Variants in COX7B2 observed in about 807,000 individuals in gnomAD.
COX7B2 encodes cytochrome c oxidase subunit 7B2, mitochondrial.
For missense variants in COX7B2, 109 were observed against 95.9 expected (o/e 1.14, Z -0.57); for synonymous variants, 37 against 32.1 (o/e 1.15, Z -0.51).
At chr4:46,787,972 C>G (rs1415010422) in intron 2 of COX7B2, among the ~76,000 whole-genome samples, 1 of 152,178 alleles carries the variant, frequency 6.6e-6, no homozygotes, top group Non-Finnish European at 1.5e-5. Context: ...TGTATGGCCT[C>G]TGATCCCCAA....
intron 2 of COX7B2, among the ~76,000 whole-genome samples, chr4:46,791,492 C>G (rs1053894585): frequency 6.6e-6 from 1 of 152,132 alleles, no homozygotes; most frequent in South Asian, 2.1e-4. Flanking sequence ...TGGTAAATAA[C>G]GTTGAGAGCT....
intron 2 of COX7B2, among the ~76,000 whole-genome samples, chr4:46,735,697 A>C (rs1362879011): frequency 6.6e-6 from 1 of 152,078 alleles, no homozygotes; most frequent in Non-Finnish European, 1.5e-5. Flanking sequence ...CCTACAGGCA[A>C]AATTCTGCTT....
At chr4:46,745,697 A>G (rs1294656103) in intron 2 of COX7B2, among the ~76,000 whole-genome samples, 3 of 152,124 alleles carry the variant, frequency 2.0e-5, no homozygotes, top group African/African-American at 7.2e-5. Flanking sequence ...CAGGGTGCTT[A>G]TTTTAGTGAA....
intron 2 of COX7B2, among the ~76,000 whole-genome samples, chr4:46,760,207 A>G (rs895103563): frequency 2.0e-5 from 3 of 152,110 alleles, no homozygotes; most frequent in African/African-American, 4.8e-5. Flanking sequence ...CCATTAGTGG[A>G]TATATACCCA....
At position 46,860,548 on chromosome 4, in the gene COX7B2, GC is replaced by G. The variant is rs544209374; in HGVS notation, c.-104-15535del. The stretch of plus-strand genomic sequence containing the variant: ...CTGCAGATGGGTAAATGTTCCCTCT[GC>G]CCCTTCTTTGACATCTGGTGAATCA... On this transcript the variant is annotated intron_variant, in intron 1 of 2. Transcript: ENST00000355591. Among the ~76,000 whole-genome samples, 12 of 152,250 alleles carry G rather than the reference GC, an allele frequency of 7.9e-5. 1 individual carries two copies. The South Asian group carries it at 2.5e-3, about 32-fold the overall frequency.
chr4:46,769,746 A>C (rs1190963131), intron 2 of COX7B2, among the ~76,000 whole-genome samples: 2 of 152,182 alleles, frequency 1.3e-5, no homozygotes, highest in Non-Finnish European at 2.9e-5. Context: ...GATGATTTTG[A>C]AAGTATACAA....
At chr4:46,749,040 A>G (rs1277633131) in intron 2 of COX7B2, among the ~76,000 whole-genome samples, 5 of 152,144 alleles carry the variant, frequency 3.3e-5, no homozygotes, top group Non-Finnish European at 5.9e-5. Flanking sequence ...GAATAAGTGT[A>G]CAATCATGCT....
intron 2 of COX7B2, among the ~76,000 whole-genome samples, chr4:46,819,807 T>C (rs1230900456): frequency 3.9e-5 from 6 of 152,238 alleles, no homozygotes; most frequent in African/African-American, 1.4e-4. Flanking sequence ...ATAAATAAAA[T>C]TTTTTCAGTG....
chr4:46,908,727 A>C (rs2109916017), intron 1 of COX7B2, among the ~76,000 whole-genome samples: 1 of 121,024 alleles, frequency 8.3e-6, no homozygotes, highest in Admixed American at 9.1e-5. Context: ...TGAAACAAAA[A>C]AGGAAAGTGG....
intron 2 of COX7B2, among the ~76,000 whole-genome samples, chr4:46,747,458 C>A (rs1715092802): frequency 6.6e-6 from 1 of 151,920 alleles, no homozygotes; most frequent in South Asian, 2.1e-4. Context: ...TGTGTGCCAC[C>A]ACGCCTGGCT....
At chr4:46,783,403 T>G (rs1427959733) in intron 2 of COX7B2, among the ~76,000 whole-genome samples, 1 of 152,230 alleles carries the variant, frequency 6.6e-6, no homozygotes, top group Non-Finnish European at 1.5e-5. Flanking sequence ...CCTTTGCCTA[T>G]CAGTGATTTC....
intron 1 of COX7B2, among the ~76,000 whole-genome samples, chr4:46,857,431 G>C (rs1243111101): frequency 2.0e-5 from 3 of 152,168 alleles, no homozygotes; most frequent in African/African-American, 7.2e-5. Flanking sequence ...CTGGAGTCAT[G>C]AATGCTGAAT....
intron 2 of COX7B2, among the ~76,000 whole-genome samples, chr4:46,771,677 T>A (rs938854907): frequency 6.6e-6 from 1 of 152,078 alleles, no homozygotes. Flanking sequence ...AAATACTCAC[T>A]GGAGCATTTC....
intron 1 of COX7B2, among the ~76,000 whole-genome samples, chr4:46,883,779 A>T (rs2109853563): frequency 6.6e-6 from 1 of 151,636 alleles, no homozygotes; most frequent in African/African-American, 2.4e-5. Context: ...AAACCTTTAA[A>T]AAAAAAAAAA....
At chr4:46,782,035 A>G (rs1717489228) in intron 2 of COX7B2, among the ~76,000 whole-genome samples, 1 of 152,268 alleles carries the variant, frequency 6.6e-6, no homozygotes, top group East Asian at 2.0e-4. Context: ...CCAAGGGCTG[A>G]GGAGTACGGG....
At chr4:46,854,590 C>T (rs576409651) in intron 1 of COX7B2, among the ~76,000 whole-genome samples, 1 of 152,134 alleles carries the variant, frequency 6.6e-6, no homozygotes, top group Admixed American at 6.6e-5. Flanking sequence ...CAGCACAGTG[C>T]CTTAACACAC....
intron 2 of COX7B2, among the ~76,000 whole-genome samples, chr4:46,749,127 G>C (rs1715193870): frequency 6.6e-6 from 1 of 152,088 alleles, no homozygotes; most frequent in Non-Finnish European, 1.5e-5. Context: ...TTTCAAGTAA[G>C]TGTGTTACAC....
At chr4:46,800,667 G>A (rs1279638397) in intron 2 of COX7B2, among the ~76,000 whole-genome samples, 1 of 152,076 alleles carries the variant, frequency 6.6e-6, no homozygotes, top group Non-Finnish European at 1.5e-5. Context: ...GAAAACCTGA[G>A]AAATATCATT....
chr4:46,809,713 T>C (rs1000869751), intron 2 of COX7B2, among the ~76,000 whole-genome samples: 38 of 151,898 alleles, frequency 2.5e-4, no homozygotes, highest in Admixed American at 5.9e-4. Context: ...GGAAAAAATG[T>C]CTATTTTTCT....
Sources: allele counts gnomAD v4.1 joint callset (sites outside exome capture counted in the v4.1 genomes callset), GRCh38; gene constraint gnomAD v4.1.1; transcripts MANE v1.5; gene names NCBI Gene and HGNC (gene_info 2026-07-23, HGNC 2026-07-21).